PAPSS2: variants seen among roughly 807,000 people sequenced by gnomAD.
PAPSS2 encodes bifunctional 3'-phosphoadenosine 5'-phosphosulfate synthase 2.
Under a neutral mutation model 66.5 loss-of-function variants are expected in PAPSS2, and 61 were observed. The observed-to-expected ratio is 0.92, with a 90% CI of 0.75 to 1.14. The LOEUF is 1.14. Ranked by LOEUF, PAPSS2 falls within the 50% of genes most tolerant of loss-of-function variation. The pLI, the probability that PAPSS2 is intolerant of heterozygous loss-of-function variation, is 0.00. For synonymous variants in PAPSS2, 289 were observed against 287.5 expected, an observed-to-expected ratio of 1.01 and a Z score of -0.05; for missense variants, 708 against 789.6, an observed-to-expected ratio of 0.90 and a Z score of 1.24.
At chr10:87,719,961 C>T (rs946289535) in intron 7 of PAPSS2, among the ~76,000 whole-genome samples, 4 of 152,270 alleles carry the variant, frequency 2.6e-5, no homozygotes, top group Admixed American at 2.6e-4. Flanking sequence ...TCTCTGCTCA[C>T]TGCAACCTCT....
intron 1 of PAPSS2, among the ~76,000 whole-genome samples, chr10:87,684,320 A>T (rs762127427): frequency 6.6e-6 from 1 of 152,214 alleles, no homozygotes; most frequent in Admixed American, 6.5e-5. Context: ...TGATTAAACC[A>T]TGTTAGACAA....
intron 1 of PAPSS2, among the ~76,000 whole-genome samples, chr10:87,683,688 A>C (rs1853053442): frequency 7.9e-6 from 1 of 126,914 alleles, no homozygotes; most frequent in African/African-American, 3.3e-5. Context: ...TATTGAGATA[A>C]AATCTTTTTT....
At chr10:87,734,683 A>ATATG (rs1554868013) in intron 9 of PAPSS2, among the ~76,000 whole-genome samples, 1 of 124,088 alleles carries the variant, frequency 8.1e-6, no homozygotes, top group Admixed American at 8.0e-5. Flanking sequence ...ATATATATAT[A>ATATG]TATATATATA....
Position 87,747,570 on chromosome 10 carries a change from C to T in PAPSS2, c.*1600C>T, listed in dbSNP as rs985651933. ...GAAAACATGAGACAGGATTATAGTG[C>T]CTTAACCGATATATTTTGTGACTTA... On this transcript the variant is annotated 3_prime_UTR_variant, in exon 13 of 13. Coordinates refer to ENST00000456849, the MANE Select transcript of PAPSS2 (RefSeq NM_001015880.2). 7 of 152,232 alleles carry T rather than the reference C, an allele frequency of 4.6e-5. No individual in the cohort carries two copies. Among genetic ancestry groups the T allele is most frequent in the African/African-American group, 1.7e-4 (7 of 41,318 alleles). The allele number at this position is 152,232 out of a possible 1,614,324, so 9.4% of individuals were successfully genotyped here. A position where few individuals can be genotyped will look rare whatever the true frequency, so the allele number is the denominator to read the frequency against.
chr10:87,671,792 A>G (rs897906628), intron 1 of PAPSS2, among the ~76,000 whole-genome samples: 1 of 152,224 alleles, frequency 6.6e-6, no homozygotes, highest in Non-Finnish European at 1.5e-5. Context: ...AAATACAGAT[A>G]GGTAGCAAAG....
intron 10 of PAPSS2, 49 bp downstream of exon 10, chr10:87,741,419 G>A: frequency 6.6e-7 from 1 of 1,523,374 alleles, no homozygotes; most frequent in African/African-American, 1.4e-5. Flanking sequence ...TATTGAGATG[G>A]TGTCTTGTTC....
chr10:87,662,562 C>T (rs1442675315), intron 1 of PAPSS2, among the ~76,000 whole-genome samples: 1 of 148,842 alleles, frequency 6.7e-6, no homozygotes, highest in African/African-American at 2.5e-5. Context: ...CCTCCCACCC[C>T]CACCCCCTAT....
Position 87,714,734 on chromosome 10 carries a change from A to G in PAPSS2, c.521-11A>G, listed in dbSNP as rs1194376835. ...TACAGATGCGATGATTGTCACCCAT[A>G]TGCTTTGCAGGATTTACAGGTATTG... On this transcript the variant is annotated splice_polypyrimidine_tract_variant and intron_variant, in intron 4 of 12. Transcript: ENST00000456849. 4.1e-6 allele frequency: 6 copies of G among 1,451,764 alleles called. No homozygotes were observed. Among genetic ancestry groups the G allele is most frequent in the Admixed American group, 1.7e-5 (1 of 59,800 alleles). The allele number at this position is 1,451,764 out of a possible 1,614,324, so 89.9% of individuals were successfully genotyped here. A position where few individuals can be genotyped will look rare whatever the true frequency, so the allele number is the denominator to read the frequency against.
intron 1 of PAPSS2, among the ~76,000 whole-genome samples, chr10:87,700,285 GT>G (rs1853286467): frequency 6.6e-6 from 1 of 152,186 alleles, no homozygotes; most frequent in Non-Finnish European, 1.5e-5. Context: ...GTCATTTTAT[GT>G]TCGCAACAAA....
intron 1 of PAPSS2, among the ~76,000 whole-genome samples, chr10:87,698,432 A>C (rs531532514): frequency 1.3e-5 from 2 of 152,194 alleles, no homozygotes; most frequent in South Asian, 4.1e-4. Flanking sequence ...AAATGATTTA[A>C]TTTGCTCTTT....
chr10:87,735,910 T>A (rs957549562), intron 9 of PAPSS2, among the ~76,000 whole-genome samples: 3 of 152,196 alleles, frequency 2.0e-5, no homozygotes, highest in Admixed American at 6.5e-5. Context: ...TAAACCCCAA[T>A]ATCTGGCCAT....
chr10:87,730,119 G>A (rs1279559930), intron 9 of PAPSS2, among the ~76,000 whole-genome samples: 1 of 152,206 alleles, frequency 6.6e-6, no homozygotes, highest in Non-Finnish European at 1.5e-5. Flanking sequence ...AGAAAACAAA[G>A]CAGCCTTATT....
At chr10:87,704,085 C>A (rs768979460) in intron 1 of PAPSS2, 10 of 470,768 alleles carry the variant, frequency 2.1e-5, no homozygotes, top group Middle Eastern at 3.3e-4. Flanking sequence ...AAGTATAATT[C>A]AAAATATCTG....
At chr10:87,736,263 C>CTTTTTTTTTTTTTTTT (rs10553485) in intron 9 of PAPSS2, among the ~76,000 whole-genome samples, 1 of 103,250 alleles carries the variant, frequency 9.7e-6, no homozygotes, top group African/African-American at 3.8e-5. Flanking sequence ...TTCTTTCTTT[C>CTTTTTTTTTTTTTTTT]TTTTTTTTTT....
chr10:87,672,558 C>A (rs1436184948), intron 1 of PAPSS2, among the ~76,000 whole-genome samples: 1 of 152,126 alleles, frequency 6.6e-6, no homozygotes, highest in East Asian at 1.9e-4. Flanking sequence ...CTTTTTATAT[C>A]CATTAAACAT....
At chr10:87,721,827 A>G (rs889218568) in intron 8 of PAPSS2, 57 bp downstream of exon 8, 11 of 999,086 alleles carry the variant, frequency 1.1e-5, no homozygotes, top group Non-Finnish European at 1.5e-5. Context: ...TGTTAAATTA[A>G]CTGGAAATGG....
Position 87,713,089 on chromosome 10 carries a change from G to A in PAPSS2, c.160G>A (p.Gly54Arg), listed in dbSNP as rs1853482399. ...GTTCTGAACAGGTCTCTCTGGTGCT[G>A]GAAAAACAACGATAAGTTTTGCCCT... ...TVWLTGLSGAGKTTISFALEE... is the reference protein window; with the variant it reads ...TVWLTGLSGARKTTISFALEE... The change falls in exon 3 of 13, where the codon GGA becomes AGA. Residue 54 changes from glycine (G) to arginine (R), a missense_variant. Gly to Arg is a moderately radical substitution (Grantham distance 125). Coordinates refer to ENST00000456849, the MANE Select transcript of PAPSS2 (RefSeq NM_001015880.2). 1 of 1,610,270 alleles carries A rather than the reference G, an allele frequency of 6.2e-7. No individual in the cohort carries two copies. Among genetic ancestry groups the A allele is most frequent in the African/African-American group, 1.3e-5 (1 of 74,586 alleles).
chr10:87,662,375 G>C (rs903677722), intron 1 of PAPSS2, among the ~76,000 whole-genome samples: 1 of 152,170 alleles, frequency 6.6e-6, no homozygotes, highest in Non-Finnish European at 1.5e-5. Context: ...AAATGAGAGA[G>C]TGTAGGATGA....
chr10:87,723,194 T>A (rs1239989920), intron 8 of PAPSS2, among the ~76,000 whole-genome samples: 1 of 152,230 alleles, frequency 6.6e-6, no homozygotes, highest in Non-Finnish European at 1.5e-5. Context: ...AATATCATGG[T>A]CTTCCTTTCA....
Sources: allele counts gnomAD v4.1 joint callset (sites outside exome capture counted in the v4.1 genomes callset), GRCh38; gene constraint gnomAD v4.1.1; transcripts MANE v1.5; gene names NCBI Gene and HGNC (gene_info 2026-07-23, HGNC 2026-07-21).